Variants in DAB1 observed in about 807,000 individuals in gnomAD.
The protein encoded by DAB1 is DAB adaptor protein 1.
DAB1 carries 15 observed loss-of-function variants against 64.6 expected under a neutral mutation model. The ratio of observed to expected loss-of-function variants is 0.23; its 90% confidence interval spans 0.16 to 0.36. DAB1 has a LOEUF of 0.36. DAB1 is among the 10% of genes least tolerant of loss of function. The pLI is 1.00. For missense variants in DAB1, 596 were observed against 706.7 expected (o/e 0.84, Z 1.78); for synonymous variants, 235 against 251.9 (o/e 0.93, Z 0.64).
chr1:58,281,367 G>T (rs1224401850), intron 4 of DAB1, among the ~76,000 whole-genome samples: 1 of 151,224 alleles, frequency 6.6e-6, no homozygotes, highest in Non-Finnish European at 1.5e-5. Context: ...ACTACCTTCA[G>T]CCTTCCCATC....
At chr1:57,751,610 A>C (rs1471665184) in intron 6 of DAB1, among the ~76,000 whole-genome samples, 1 of 152,130 alleles carries the variant, frequency 6.6e-6, no homozygotes, top group Non-Finnish European at 1.5e-5. Flanking sequence ...GTGAGGATGG[A>C]AGAGGACAGA....
intron 7 of DAB1, among the ~76,000 whole-genome samples, chr1:57,508,763 C>T (rs1644375320): frequency 6.6e-6 from 1 of 152,128 alleles, no homozygotes. Context: ...ATGTCCTTGG[C>T]TAGACTGCCA....
intron 14 of DAB1, among the ~76,000 whole-genome samples, chr1:57,000,622 G>T (rs1645822745): frequency 6.6e-6 from 1 of 152,150 alleles, no homozygotes; most frequent in East Asian, 1.9e-4. Context: ...TTGTGTGTTT[G>T]TGTTCTACAA....
intron 7 of DAB1, among the ~76,000 whole-genome samples, chr1:57,441,668 T>C (rs987563129): frequency 2.6e-5 from 4 of 152,184 alleles, no homozygotes; most frequent in Non-Finnish European, 5.9e-5. Flanking sequence ...TCTATTTTCT[T>C]TATCCAGTCC....
intron 4 of DAB1, among the ~76,000 whole-genome samples, chr1:58,322,984 G>A (rs983637340): frequency 5.9e-5 from 9 of 151,348 alleles, no homozygotes; most frequent in African/African-American, 9.7e-5. Context: ...GCAAACTATC[G>A]CAAGGACAGA....
At chr1:57,749,189 C>T (rs1648435502) in intron 6 of DAB1, among the ~76,000 whole-genome samples, 2 of 152,178 alleles carry the variant, frequency 1.3e-5, no homozygotes, top group South Asian at 4.1e-4. Flanking sequence ...TGTATCTATT[C>T]TGCATAAGGC....
intron 5 of DAB1, among the ~76,000 whole-genome samples, chr1:57,959,705 G>A (rs1468029689): frequency 1.3e-5 from 2 of 152,278 alleles, no homozygotes; most frequent in East Asian, 3.9e-4. Flanking sequence ...GCTGTCCAAA[G>A]GAATTCACAG....
At chr1:58,441,202 G>C (rs966184778) in intron 3 of DAB1, among the ~76,000 whole-genome samples, 1 of 152,202 alleles carries the variant, frequency 6.6e-6, no homozygotes, top group Non-Finnish European at 1.5e-5. Flanking sequence ...TCAGAGGCAA[G>C]TACTGAAGGG....
At position 57,291,035 on chromosome 1, in the gene DAB1, C is replaced by A. The variant is rs752870619; in HGVS notation, c.-5G>T. On this transcript the variant is annotated 5_prime_UTR_variant, in exon 2 of 15. Coordinates refer to ENST00000371236, the MANE Select transcript of DAB1 (RefSeq NM_001365792.1). ...AAGTTCTGTCTCAGTTGACATCCTA[C>A]TTAATCCTTAGTCCACTTCACACAG... 3.1e-6 allele frequency: 5 copies of A among 1,608,994 alleles called. No individual in the cohort carries two copies. In the South Asian group the frequency reaches 3.3e-5, roughly 11 times the overall value.
At position 58,301,297 on chromosome 1, in the gene DAB1, C is replaced by T. The variant is rs904717721; in HGVS notation, n.309+42055G>A. 2.6e-5 allele frequency among the ~76,000 whole-genome samples: 4 copies of T among 152,132 alleles called. 1 individual carries two copies. Among genetic ancestry groups the T allele is most frequent in the Middle Eastern group, 6.8e-3 (2 of 294 alleles). On this transcript the variant is annotated intron_variant and non_coding_transcript_variant, in intron 4 of 20. Transcript: ENST00000485760. ...AGAAGTTCTGCGGAAAGCACTAAAC[C>T]CACACCGACCGTAAAGCAGGTAGGT...
chr1:57,220,081 C>T (rs1308774750), intron 2 of DAB1, among the ~76,000 whole-genome samples: 1 of 152,180 alleles, frequency 6.6e-6, no homozygotes, highest in Non-Finnish European at 1.5e-5. Context: ...AGAATAAATG[C>T]TCCAGGGTGA....
intron 5 of DAB1, among the ~76,000 whole-genome samples, chr1:58,030,659 G>A (rs77381368): frequency 0.011 from 1,703 of 152,278 alleles, 15 homozygotes; most frequent in Middle Eastern, 0.031. Flanking sequence ...CCCTGGGGTG[G>A]GGCCCGGGTT....
At chr1:57,381,423 T>C (rs1681364886) in intron 1 of DAB1, among the ~76,000 whole-genome samples, 2 of 152,182 alleles carry the variant, frequency 1.3e-5, no homozygotes, top group African/African-American at 4.8e-5. Context: ...AGTATTTTTA[T>C]ATAGAAGATG....
At chr1:58,201,994 G>T (rs953689515) in intron 4 of DAB1, among the ~76,000 whole-genome samples, 1 of 152,098 alleles carries the variant, frequency 6.6e-6, no homozygotes, top group African/African-American at 2.4e-5. Context: ...AAGCTCCTCA[G>T]CCCCTCCATG....
intron 5 of DAB1, among the ~76,000 whole-genome samples, chr1:57,933,634 T>C (rs1200520594): frequency 6.6e-6 from 1 of 152,240 alleles, no homozygotes; most frequent in Non-Finnish European, 1.5e-5. Context: ...CTCTTACTAA[T>C]GAACACATGA....
intron 6 of DAB1, among the ~76,000 whole-genome samples, chr1:57,795,723 ATATATATATATC>A (rs1650825325): frequency 8.2e-6 from 1 of 121,308 alleles, no homozygotes; most frequent in African/African-American, 3.3e-5. Context: ...ATATATATAT[ATATATATATATC>A]ATACACATGT....
At chr1:57,257,362 T>C (rs953713404) in intron 2 of DAB1, among the ~76,000 whole-genome samples, 13 of 152,246 alleles carry the variant, frequency 8.5e-5, no homozygotes, top group African/African-American at 2.7e-4. Context: ...CATTCTGCCA[T>C]GCTAACTGCA....
intron 5 of DAB1, among the ~76,000 whole-genome samples, chr1:58,097,315 A>C (rs2100623948): frequency 6.6e-6 from 1 of 152,350 alleles, no homozygotes; most frequent in Non-Finnish European, 1.5e-5. Flanking sequence ...ATCTGCTCTT[A>C]CACACTGTAC....
intron 1 of DAB1, among the ~76,000 whole-genome samples, chr1:57,308,907 G>T (rs1036096732): frequency 3.3e-5 from 5 of 151,026 alleles, no homozygotes; most frequent in Non-Finnish European, 7.4e-5. Flanking sequence ...CTTTAAAGAT[G>T]AAAAAAAAAC....
Sources: allele counts gnomAD v4.1 joint callset (sites outside exome capture counted in the v4.1 genomes callset), GRCh38; gene constraint gnomAD v4.1.1; transcripts MANE v1.5; gene names NCBI Gene and HGNC (gene_info 2026-07-23, HGNC 2026-07-21).